IMMP2L: variants seen among roughly 807,000 people sequenced by gnomAD.
IMMP2L encodes mitochondrial inner membrane protease subunit 2.
A neutral mutation model predicts 19.3 loss-of-function variants in IMMP2L; 18 were observed. That is an observed-to-expected ratio of 0.93 (90% confidence interval 0.64 to 1.38). The LOEUF (loss-of-function observed/expected upper bound fraction) is 1.38, where lower values mean the gene tolerates loss of function less well. IMMP2L is among the 40% of genes most tolerant of loss of function. The probability of loss-of-function intolerance (pLI) is 0.00; values close to 1 mark genes in which losing one functional copy is unlikely to be tolerated. For missense variants in IMMP2L, 233 were observed against 218.2 expected (o/e 1.07, Z -0.43); for synonymous variants, 76 against 73.0 (o/e 1.04, Z -0.21).
intron 3 of IMMP2L, among the ~76,000 whole-genome samples, chr7:111,204,616 A>G (rs1054327922): frequency 5.9e-5 from 9 of 152,186 alleles, no homozygotes; most frequent in African/African-American, 2.2e-4. Context: ...AATTTTTAAA[A>G]AAATAAAACT....
intron 1 of IMMP2L, among the ~76,000 whole-genome samples, chr7:111,527,828 T>C (rs1847026797): frequency 6.6e-6 from 1 of 152,090 alleles, no homozygotes; most frequent in Non-Finnish European, 1.5e-5. Context: ...TGAGAGATTA[T>C]AAAGGAGCAT....
At position 110,686,916 on chromosome 7, in the gene IMMP2L, C is replaced by T. The variant is rs1019969313; in HGVS notation, c.409-23195G>A. 2.6e-5 allele frequency among the ~76,000 whole-genome samples: 4 copies of T among 152,086 alleles called. No homozygotes were observed. The East Asian group carries it at 7.7e-4, about 29-fold the overall frequency. On this transcript the variant is annotated intron_variant, in intron 5 of 5. Coordinates refer to ENST00000405709, the MANE Select transcript of IMMP2L (RefSeq NM_032549.4). Reference sequence around the variant, plus strand: ...ATTAACACACTTCAATCATTCTTCACTTTCTACTAATATAAAGAAAAGACG... The same window carrying T: ...ATTAACACACTTCAATCATTCTTCATTTTCTACTAATATAAAGAAAAGACG...
intron 3 of IMMP2L, among the ~76,000 whole-genome samples, chr7:111,343,724 AT>A (rs1326584733): frequency 1.3e-5 from 2 of 152,156 alleles, no homozygotes; most frequent in African/African-American, 4.8e-5. Context: ...TAGAATAAAA[AT>A]GTATTTCCTG....
intron 4 of IMMP2L, among the ~76,000 whole-genome samples, chr7:110,959,376 A>C (rs1818694617): frequency 6.6e-6 from 1 of 152,008 alleles, no homozygotes; most frequent in Admixed American, 6.6e-5. Flanking sequence ...TTGACAGCAT[A>C]TTTTTATAAT....
intron 3 of IMMP2L, among the ~76,000 whole-genome samples, chr7:111,445,571 G>T (rs578175251): frequency 6.6e-6 from 1 of 152,152 alleles, no homozygotes; most frequent in Non-Finnish European, 1.5e-5. Flanking sequence ...ATTCAAGCAC[G>T]TTCTCTAAGA....
At chr7:111,557,692 T>C (rs1164379878) in intron 1 of IMMP2L, among the ~76,000 whole-genome samples, 1 of 152,156 alleles carries the variant, frequency 6.6e-6, no homozygotes, top group Non-Finnish European at 1.5e-5. Context: ...ATTTGAACTA[T>C]TGGTCAAGAT....
At chr7:110,675,524 G>A (rs754276520) in intron 5 of IMMP2L, among the ~76,000 whole-genome samples, 3 of 152,172 alleles carry the variant, frequency 2.0e-5, no homozygotes, top group Non-Finnish European at 4.4e-5. Context: ...CTAAGTCTCC[G>A]TAATGAGATT....
intron 3 of IMMP2L, among the ~76,000 whole-genome samples, chr7:111,471,099 T>C (rs1388255934): frequency 5.9e-5 from 9 of 152,032 alleles, no homozygotes; most frequent in Non-Finnish European, 1.3e-4. Context: ...TGAGAATTTT[T>C]CCAAAGAGTT....
At chr7:110,765,357 C>T (rs1288414367) in intron 5 of IMMP2L, among the ~76,000 whole-genome samples, 1 of 152,076 alleles carries the variant, frequency 6.6e-6, no homozygotes, top group Non-Finnish European at 1.5e-5. Flanking sequence ...GAAGAGAAGA[C>T]AAGATTACTA....
At chr7:111,411,514 C>G in intron 3 of IMMP2L, 1 of 429,544 alleles carries the variant, frequency 2.3e-6, no homozygotes. Flanking sequence ...TGGAGAACTG[C>G]TTCATTAGAA....
At chr7:111,467,735 AT>A (rs892077107) in intron 3 of IMMP2L, among the ~76,000 whole-genome samples, 4 of 152,158 alleles carry the variant, frequency 2.6e-5, no homozygotes, top group African/African-American at 9.7e-5. Context: ...GACCTCTAGT[AT>A]TCTTTCAAAT....
rs373259271 is a variant in IMMP2L, at chr7:111,528,391, C to T, written c.-2-6942G>A. Among the ~76,000 whole-genome samples the T allele has an allele frequency of 4.9e-4, 75 of 152,318 alleles. No homozygotes were observed. The Middle Eastern group carries it at 0.027, about 55-fold the overall frequency. The stretch of plus-strand genomic sequence containing the variant: ...CTATGGAAGTCACTGAGGTTCAAAA[C>T]ACTGCTCCTGAGAAAATTATTGCTT... On this transcript the variant is annotated intron_variant, in intron 1 of 5. Transcript: ENST00000405709.
At chr7:110,695,389 G>GC (rs1324210737) in intron 5 of IMMP2L, among the ~76,000 whole-genome samples, 4 of 151,948 alleles carry the variant, frequency 2.6e-5, no homozygotes, top group Non-Finnish European at 5.9e-5. Context: ...ACAGGGTCTT[G>GC]CCATGTTTCC....
At chr7:111,289,280 G>A (rs556252716) in intron 3 of IMMP2L, among the ~76,000 whole-genome samples, 1 of 151,970 alleles carries the variant, frequency 6.6e-6, no homozygotes, top group Non-Finnish European at 1.5e-5. Flanking sequence ...GGGTTGGGGG[G>A]CTAGGGAAGG....
chr7:110,802,536 C>T (rs576188574), intron 5 of IMMP2L, among the ~76,000 whole-genome samples: 36 of 151,824 alleles, frequency 2.4e-4, no homozygotes, highest in Non-Finnish European at 5.0e-4. Context: ...CTATGAAGAA[C>T]TCATGTTCTT....
At chr7:111,051,444 A>T (rs1793000374) in intron 3 of IMMP2L, among the ~76,000 whole-genome samples, 1 of 152,164 alleles carries the variant, frequency 6.6e-6, no homozygotes, top group African/African-American at 2.4e-5. Flanking sequence ...GTGTCCTCTG[A>T]AGAGTCACAT....
intron 3 of IMMP2L, among the ~76,000 whole-genome samples, chr7:111,358,997 G>C (rs1279949272): frequency 6.6e-6 from 1 of 152,064 alleles, no homozygotes; most frequent in African/African-American, 2.4e-5. Flanking sequence ...AAGTTAGATA[G>C]CTAGAACAAA....
At chr7:110,883,335 TG>T (rs1429995713) in intron 5 of IMMP2L, among the ~76,000 whole-genome samples, 1 of 152,204 alleles carries the variant, frequency 6.6e-6, no homozygotes, top group East Asian at 1.9e-4. Flanking sequence ...ATAGTTCTAA[TG>T]CTCATTTATT....
At chr7:110,878,416 AT>A (rs1400391511) in intron 5 of IMMP2L, among the ~76,000 whole-genome samples, 13 of 152,088 alleles carry the variant, frequency 8.5e-5, no homozygotes, top group Non-Finnish European at 1.8e-4. Flanking sequence ...AATAATTTTG[AT>A]GTAATTTTAT....
Sources: gnomAD v4.1 joint callset for allele counts (sites outside exome capture counted in the v4.1 genomes callset) on GRCh38, gnomAD v4.1.1 for gene constraint, MANE v1.5 for transcripts, NCBI Gene and HGNC (gene_info 2026-07-23, HGNC 2026-07-21) for gene names.